EPM2A: variants seen among roughly 807,000 people sequenced by gnomAD.
The protein encoded by EPM2A is EPM2A glucan phosphatase, laforin, also known as laforin.
In EPM2A, 21 loss-of-function variants were observed where a neutral mutation model predicts 26.5. The ratio of observed to expected loss-of-function variants is 0.79; its 90% CI spans 0.56 to 1.14. The LOEUF (loss-of-function observed/expected upper bound fraction) is 1.14, where lower values mean the gene tolerates loss of function less well. Among genes scored for constraint, EPM2A ranks in the 50% most tolerant of loss-of-function variants. The probability of loss-of-function intolerance (pLI) is 0.00; values close to 1 mark genes in which losing one functional copy is unlikely to be tolerated. For missense variants in EPM2A, 458 were observed against 440.8 expected (o/e 1.04, Z -0.35); for synonymous variants, 217 against 177.6 (o/e 1.22, Z -1.76).
At chr6:145,551,926 T>C (rs2114804947) in intron 2 of EPM2A, among the ~76,000 whole-genome samples, 1 of 151,956 alleles carries the variant, frequency 6.6e-6, no homozygotes, top group South Asian at 2.1e-4. Flanking sequence ...AAAGAATTTC[T>C]AGATTCGATA....
intron 1 of EPM2A, among the ~76,000 whole-genome samples, chr6:145,711,174 C>A (rs1011813557): frequency 6.6e-6 from 1 of 152,100 alleles, no homozygotes; most frequent in African/African-American, 2.4e-5. Flanking sequence ...GAGTCTCTAA[C>A]AGTGGTCTTC....
At chr6:145,630,561 G>A (rs1776173721) in intron 3 of EPM2A, 1 of 152,292 alleles carries the variant, frequency 6.6e-6, no homozygotes, top group African/African-American at 2.4e-5. Context: ...GTTGCTGTGA[G>A]CCGAGATTGT....
rs571593749 is a variant in EPM2A at position 145,389,857 on chromosome 6, C to T, written c.556-5760G>A. On this transcript the variant is annotated intron_variant, in intron 4 of 4. Coordinates refer to the EPM2A transcript ENST00000638717. The stretch of plus-strand genomic sequence containing the variant: ...TGATGACGGCCAATTTACAATTTTT[C>T]TTTATCAACTGGGCACTGAAAGAAC... Among the ~76,000 whole-genome samples the T allele has an allele frequency of 1.8e-3, 275 of 152,272 alleles. 1 individual carries two copies. Among genetic ancestry groups the T allele is most frequent in the African/African-American group, 6.3e-3 (260 of 41,568 alleles).
intron 2 of EPM2A, among the ~76,000 whole-genome samples, chr6:145,554,441 T>C (rs1182809557): frequency 6.6e-6 from 1 of 151,562 alleles, no homozygotes; most frequent in African/African-American, 2.4e-5. Flanking sequence ...GATAGATAGA[T>C]AGATAGATAG....
chr6:145,532,413 A>C (rs1356053378), intron 2 of EPM2A, among the ~76,000 whole-genome samples: 1 of 152,192 alleles, frequency 6.6e-6, no homozygotes, highest in East Asian at 1.9e-4. Context: ...AGGAATGTAA[A>C]GGAGTTTATC....
chr6:145,680,212 A>G (rs1240792630), intron 2 of EPM2A: 1 of 152,036 alleles, frequency 6.6e-6, no homozygotes, highest in Admixed American at 6.6e-5. Flanking sequence ...TAAAACTTGT[A>G]GATCTGATAA....
At chr6:145,448,094 CT>C (rs983719456) in intron 4 of EPM2A, among the ~76,000 whole-genome samples, 16 of 152,058 alleles carry the variant, frequency 1.1e-4, no homozygotes, top group Admixed American at 5.2e-4. Context: ...TACAATTTCT[CT>C]TTTTCTCTCA....
At chr6:145,714,611 A>C (rs182449221) in intron 1 of EPM2A, among the ~76,000 whole-genome samples, 63 of 152,354 alleles carry the variant, frequency 4.1e-4, no homozygotes, top group Non-Finnish European at 6.6e-4. Context: ...GGCAATTTAC[A>C]AAAGAAAGAG....
chr6:145,648,819 C>A, intron 2 of EPM2A, among the ~76,000 whole-genome samples: 1 of 152,014 alleles, frequency 6.6e-6, no homozygotes, highest in Admixed American at 6.6e-5. Flanking sequence ...TGGGGGATTG[C>A]CTATCAGAAT....
At chr6:145,541,328 G>A (rs1158718542) in intron 2 of EPM2A, among the ~76,000 whole-genome samples, 2 of 132,044 alleles carry the variant, frequency 1.5e-5, no homozygotes, top group Non-Finnish European at 3.3e-5. Context: ...ATATATATGT[G>A]TATATATATG....
intron 2 of EPM2A, among the ~76,000 whole-genome samples, chr6:145,584,425 T>C (rs1356515105): frequency 1.3e-5 from 2 of 152,152 alleles, no homozygotes; most frequent in South Asian, 2.1e-4. Flanking sequence ...ACAGTCAAGA[T>C]TGCCCTGCTC....
intron 2 of EPM2A, among the ~76,000 whole-genome samples, chr6:145,508,559 GA>G (rs1366281195): frequency 7.8e-6 from 1 of 128,554 alleles, no homozygotes; most frequent in Admixed American, 7.6e-5. Flanking sequence ...ACCCTCAAGG[GA>G]AAAAAATAAC....
chr6:145,634,989 TC>T, intron 3 of EPM2A: 1 of 397,168 alleles, frequency 2.5e-6, no homozygotes, highest in Non-Finnish European at 4.6e-6. Context: ...ACTGCTGTGT[TC>T]CTAGCTACTA....
At chr6:145,390,497 C>A (rs1248606303) in intron 4 of EPM2A, among the ~76,000 whole-genome samples, 2 of 151,774 alleles carry the variant, frequency 1.3e-5, no homozygotes, top group East Asian at 1.9e-4. Context: ...AGGAAAATTT[C>A]TTTTCTTGGG....
At chr6:145,499,269 C>T (rs184755008), downstream of EPM2A, among the ~76,000 whole-genome samples, 240 of 152,270 alleles carry the variant, frequency 1.6e-3, no homozygotes, top group Middle Eastern at 6.8e-3. Flanking sequence ...CTCCTCTTTC[C>T]CTGAGTTCCA....
At chr6:145,411,406 A>C (rs1325739580) in intron 4 of EPM2A, among the ~76,000 whole-genome samples, 1 of 152,228 alleles carries the variant, frequency 6.6e-6, no homozygotes. Flanking sequence ...TATTTGCTAC[A>C]TATCTAATTA....
intron 2 of EPM2A, among the ~76,000 whole-genome samples, chr6:145,528,674 A>G (rs949710362): frequency 3.3e-5 from 5 of 152,122 alleles, no homozygotes; most frequent in African/African-American, 9.7e-5. Context: ...GCTATACAAG[A>G]AGATTATTAA....
chr6:145,419,193 C>T (rs1778750346), intron 4 of EPM2A, among the ~76,000 whole-genome samples: 1 of 138,592 alleles, frequency 7.2e-6, no homozygotes. Context: ...CCCCCCCCCG[C>T]TCCTTTCCCC....
intron 2 of EPM2A, among the ~76,000 whole-genome samples, chr6:145,542,321 A>G (rs1780523866): frequency 6.6e-6 from 1 of 152,222 alleles, no homozygotes; most frequent in Non-Finnish European, 1.5e-5. Context: ...AAGTTATGGC[A>G]TGCTGACACA....
Sources: allele counts gnomAD v4.1 joint callset (sites outside exome capture counted in the v4.1 genomes callset), GRCh38; gene constraint gnomAD v4.1.1; transcripts MANE v1.5; gene names NCBI Gene and HGNC (gene_info 2026-07-23, HGNC 2026-07-21).